The following IGFL2 variants were observed in gnomAD, a reference collection of about 807,000 sequenced individuals.
IGFL2 encodes the protein IGF like family member 2.
IGFL2 carries 7 observed loss-of-function variants against 13.9 expected under a neutral mutation model. The ratio of observed to expected loss-of-function variants is 0.51; its 90% confidence interval spans 0.29 to 0.95. IGFL2 has a LOEUF of 0.95. IGFL2 is among the 40% of genes least tolerant of loss of function. The probability of loss-of-function intolerance (pLI) is 0.08; values close to 1 mark genes in which losing one functional copy is unlikely to be tolerated. For missense variants in IGFL2, 138 were observed against 147.8 expected, an observed-to-expected ratio of 0.93 and a Z score of 0.34; for synonymous variants, 55 against 55.8, an observed-to-expected ratio of 0.99 and a Z score of 0.07.
intron 1 of IGFL2, among the ~76,000 whole-genome samples, chr19:46,150,981 T>C (rs552363912): frequency 6.6e-6 from 1 of 152,324 alleles, no homozygotes; most frequent in African/African-American, 2.4e-5. Flanking sequence ...TACACTATTA[T>C]TTATTATAGT....
upstream of IGFL2, among the ~76,000 whole-genome samples, chr19:46,146,143 G>C (rs915826645): frequency 6.6e-6 from 1 of 151,496 alleles, no homozygotes. Context: ...GTGAGCTTTG[G>C]TAGAAGTCTT....
chr19:46,187,895 A>G, the IGFL2 span, among the ~76,000 whole-genome samples: 1 of 150,344 alleles, frequency 6.7e-6, no homozygotes, highest in Non-Finnish European at 1.5e-5. Flanking sequence ...GGTGTGTGCT[A>G]CCTGATCAGA....
intron 1 of IGFL2, chr19:46,159,469 A>G (rs1974016478): frequency 1.3e-5 from 2 of 152,198 alleles, no homozygotes; most frequent in South Asian, 2.1e-4. Flanking sequence ...GAAAAAGGTT[A>G]TAGTATAAGG....
chr19:46,149,821 A>AT (rs1449773742), intron 1 of IGFL2, among the ~76,000 whole-genome samples: 4 of 152,194 alleles, frequency 2.6e-5, no homozygotes, highest in Non-Finnish European at 5.9e-5. Context: ...GCTATTGTGA[A>AT]TAGTGCTGTT....
chr19:46,155,370 TAC>T (rs952857427), intron 1 of IGFL2, among the ~76,000 whole-genome samples: 8 of 152,264 alleles, frequency 5.3e-5, no homozygotes, highest in African/African-American at 1.9e-4. Context: ...GAGCTTCAAT[TAC>T]ACAGAGTTGG....
the IGFL2 span, chr19:46,120,434 T>G: frequency 1.3e-6 from 2 of 1,593,850 alleles, no homozygotes; most frequent in Non-Finnish European, 1.7e-6. Flanking sequence ...AAAAGCAATT[T>G]TAACAAACTT....
At chr19:46,138,867 C>T (rs1972726041), upstream of IGFL2, among the ~76,000 whole-genome samples, 1 of 152,130 alleles carries the variant, frequency 6.6e-6, no homozygotes. Flanking sequence ...AGGCCAAAGC[C>T]ACCTAGAGGA....
At chr19:46,188,905 C>T in the IGFL2 span, among the ~76,000 whole-genome samples, 9 of 152,220 alleles carry the variant, frequency 5.9e-5, no homozygotes, top group African/African-American at 2.2e-4. Flanking sequence ...CAGGCAACTG[C>T]GAAGTCTTCC....
At chr19:46,116,677 A>C in the IGFL2 span, among the ~76,000 whole-genome samples, 1 of 152,200 alleles carries the variant, frequency 6.6e-6, no homozygotes, top group Non-Finnish European at 1.5e-5. Context: ...GAAGCGGGCC[A>C]ATTAGTATTT....
chr19:46,206,772 T>C, the IGFL2 span: 56,336 of 152,026 alleles, frequency 0.37, 11,851 homozygotes, highest in Middle Eastern at 0.51. Context: ...AGTGTCACAA[T>C]CCCCATGTTG....
chr19:46,143,740 A>G (rs1283061139), upstream of IGFL2, among the ~76,000 whole-genome samples: 1 of 152,122 alleles, frequency 6.6e-6, no homozygotes, highest in Non-Finnish European at 1.5e-5. Context: ...CACTATAGAT[A>G]TTGTCTCTGC....
At chr19:46,174,552 A>C in the IGFL2 span, among the ~76,000 whole-genome samples, 4 of 152,234 alleles carry the variant, frequency 2.6e-5, no homozygotes, top group Admixed American at 2.6e-4. Context: ...GTGGGAAAAC[A>C]TTGAGGACTC....
intron 1 of IGFL2, among the ~76,000 whole-genome samples, chr19:46,156,106 C>T (rs990186285): frequency 2.0e-5 from 3 of 152,142 alleles, no homozygotes; most frequent in Admixed American, 6.5e-5. Flanking sequence ...TGTGAGCCAC[C>T]GTGCCCAACC....
At chr19:46,136,761 G>A in the IGFL2 span, 4 of 608,598 alleles carry the variant, frequency 6.6e-6, no homozygotes, top group East Asian at 3.9e-5. Context: ...TGTAAGTTTC[G>A]GCTGAAGCTC....
chr19:46,176,396 T>G, the IGFL2 span, among the ~76,000 whole-genome samples: 3 of 152,136 alleles, frequency 2.0e-5, no homozygotes, highest in Non-Finnish European at 4.4e-5. Flanking sequence ...ACTCGCCCAC[T>G]TGGGGACACA....
the IGFL2 span, among the ~76,000 whole-genome samples, chr19:46,175,039 C>T: frequency 6.6e-6 from 1 of 152,026 alleles, no homozygotes; most frequent in South Asian, 2.1e-4. Context: ...CTGAGAAGTA[C>T]AAGAATGATA....
chr19:46,186,506 G>A, the IGFL2 span, among the ~76,000 whole-genome samples: 104 of 151,464 alleles, frequency 6.9e-4, 1 homozygote, highest in African/African-American at 2.3e-3. Flanking sequence ...AGAGTGCTAT[G>A]GCCTGGATAT....
At chr19:46,204,082 T>A in the IGFL2 span, 5 of 152,188 alleles carry the variant, frequency 3.3e-5, no homozygotes, top group African/African-American at 1.2e-4. Context: ...AGAGGCTCCC[T>A]GAGGCCAGGT....
the IGFL2 span, among the ~76,000 whole-genome samples, chr19:46,128,158 T>G: frequency 6.6e-6 from 1 of 152,166 alleles, no homozygotes. Flanking sequence ...GTGATTTTTG[T>G]ACATTGTACA....
Sources: gnomAD v4.1 joint callset for allele counts (sites outside exome capture counted in the v4.1 genomes callset) on GRCh38, gnomAD v4.1.1 for gene constraint, MANE v1.5 for transcripts, NCBI Gene and HGNC (gene_info 2026-07-23, HGNC 2026-07-21) for gene names.